The following CEP55 variants were observed in gnomAD, a reference collection of about 807,000 sequenced individuals.
CEP55 encodes the protein centrosomal protein 55.
A neutral mutation model predicts 63.2 loss-of-function variants in CEP55; 57 were observed. The observed-to-expected ratio is 0.90, with a 90% confidence interval of 0.73 to 1.13. The LOEUF (loss-of-function observed/expected upper bound fraction) is 1.13, where lower values mean the gene tolerates loss of function less well. CEP55 is among the 50% of genes most tolerant of loss of function. CEP55 has a pLI of 0.00. For synonymous variants in CEP55, 178 were observed against 191.6 expected (o/e 0.93, Z 0.59); for missense variants, 456 against 518.9 (o/e 0.88, Z 1.18).
At chr10:93,500,521 A>G (rs973329225) in intron 2 of CEP55, among the ~76,000 whole-genome samples, 1 of 152,222 alleles carries the variant, frequency 6.6e-6, no homozygotes, top group Non-Finnish European at 1.5e-5. Context: ...TGCGATTAAT[A>G]GTTTTGCACC....
At chr10:93,523,523 A>G (rs958323222) in intron 8 of CEP55, among the ~76,000 whole-genome samples, 1 of 152,232 alleles carries the variant, frequency 6.6e-6, no homozygotes, top group African/African-American at 2.4e-5. Flanking sequence ...AACATGAGAC[A>G]GATCCACGAG....
intron 8 of CEP55, among the ~76,000 whole-genome samples, chr10:93,521,222 C>T (rs905110244): frequency 2.0e-5 from 3 of 152,148 alleles, no homozygotes; most frequent in Non-Finnish European, 2.9e-5. Flanking sequence ...CTGACGGCAC[C>T]TGGAAAATCA....
At chr10:93,505,034 ACTCCTTAC>A (rs1033034389) in intron 3 of CEP55, among the ~76,000 whole-genome samples, 1 of 150,830 alleles carries the variant, frequency 6.6e-6, no homozygotes, top group African/African-American at 2.4e-5. Flanking sequence ...CTGGTCTTGA[ACTCCTTAC>A]CTCAGGTGAT....
At chr10:93,518,996 G>GCAGTTTTT (rs775460687) in intron 7 of CEP55, 48 bp downstream of exon 7, 1 of 1,464,944 alleles carries the variant, frequency 6.8e-7, no homozygotes. Flanking sequence ...GTTAGAAAAT[G>GCAGTTTTT]CAGTTTTTCC....
At chr10:93,502,942 C>T (rs1037528615) in intron 2 of CEP55, among the ~76,000 whole-genome samples, 171 bp from the exon 3 acceptor site, 1 of 152,228 alleles carries the variant, frequency 6.6e-6, no homozygotes, top group Non-Finnish European at 1.5e-5. Context: ...GCTTACTTCT[C>T]TGTGAGCTAT....
chr10:93,524,830 G>A (rs1361237222), intron 8 of CEP55, among the ~76,000 whole-genome samples: 2 of 152,022 alleles, frequency 1.3e-5, no homozygotes, highest in Admixed American at 6.6e-5. Context: ...CAGAACCAAC[G>A]ACAAAAACCA....
At chr10:93,525,921 T>G (rs1421056621) in intron 8 of CEP55, among the ~76,000 whole-genome samples, 2 of 152,128 alleles carry the variant, frequency 1.3e-5, no homozygotes, top group Admixed American at 1.3e-4. Flanking sequence ...CCTTACACCT[T>G]ATACAAAAAT....
Position 93,517,073 on chromosome 10 carries a change from A to T in CEP55, c.818A>T (p.Gln273Leu). The change falls in exon 6 of 9, where the codon CAA (glutamine) becomes CTA (leucine). Residue 273 changes from glutamine (Q) to leucine (L), a missense_variant. Gln to Leu is a moderately radical substitution (Grantham distance 113). Coordinates refer to ENST00000371485, the MANE Select transcript of CEP55 (RefSeq NM_018131.5). ...TTTCGAAGAAAATATGAAGAAACCC[A>T]AAAAGAAGTTCACAATTTAAATCAG... ...SEFRRKYEET[Q>L]KEVHNLNQLL... 6.2e-7 allele frequency: 1 copy of T among 1,614,104 alleles called. No homozygotes were observed. Among genetic ancestry groups the T allele is most frequent in the Non-Finnish European group, 8.5e-7 (1 of 1,179,958 alleles).
At chr10:93,511,460 G>C (rs1033361963) in intron 4 of CEP55, among the ~76,000 whole-genome samples, 2 of 152,186 alleles carry the variant, frequency 1.3e-5, no homozygotes, top group African/African-American at 4.8e-5. Context: ...GATGCACACA[G>C]TGAGAAGAGG....
intron 4 of CEP55, among the ~76,000 whole-genome samples, chr10:93,509,013 G>A (rs2057715947): frequency 6.6e-6 from 1 of 152,194 alleles, no homozygotes; most frequent in South Asian, 2.1e-4. Flanking sequence ...TTGAAAGAAT[G>A]ACTGGATGGA....
At chr10:93,507,469 ACCTCAG>A (rs2057701125) in intron 4 of CEP55, among the ~76,000 whole-genome samples, 1 of 150,872 alleles carries the variant, frequency 6.6e-6, no homozygotes. Flanking sequence ...TGATCTGCCC[ACCTCAG>A]CCTTTCAAAG....
At position 93,517,263 on chromosome 10, in the gene CEP55, A is replaced by T. The variant is rs2057814767; in HGVS notation, c.993+15A>T. ...TCTTATCTCAGGTAAACTTAACCAGATCCATAATTCAGAGTGTTCACCGAA... is the reference window on the plus strand; with the variant it reads ...TCTTATCTCAGGTAAACTTAACCAGTTCCATAATTCAGAGTGTTCACCGAA... On this transcript the variant is annotated intron_variant, in intron 6 of 8. Transcript: ENST00000371485. The T allele has an allele frequency of 1.3e-6, 2 of 1,567,936 alleles. No homozygotes were observed. The highest frequency in any genetic ancestry group is 4.5e-5 in the East Asian group (2 of 44,390).
At chr10:93,519,547 G>A in intron 7 of CEP55, 135 bp from the exon 8 acceptor site, 2 of 1,041,652 alleles carry the variant, frequency 1.9e-6, no homozygotes, top group South Asian at 1.6e-5. Flanking sequence ...ACATTTCATG[G>A]TGCTTAGGTG....
chr10:93,504,462 G>C (rs975703064), intron 3 of CEP55, among the ~76,000 whole-genome samples: 1 of 139,462 alleles, frequency 7.2e-6, no homozygotes, highest in Non-Finnish European at 1.5e-5. Context: ...GACAGAGTGA[G>C]CCTCTGTCTC....
chr10:93,511,477 A>C (rs2057748304), intron 4 of CEP55, among the ~76,000 whole-genome samples: 1 of 152,214 alleles, frequency 6.6e-6, no homozygotes, highest in Non-Finnish European at 1.5e-5. Context: ...GAGGTGGCAT[A>C]AGGAAATGTT....
Position 93,519,749 on chromosome 10 carries a change from A to C in CEP55, c.1133A>C (p.His378Pro). 1.2e-6 allele frequency: 2 copies of C among 1,613,890 alleles called. No homozygotes were observed. Among genetic ancestry groups the C allele is most frequent in the Non-Finnish European group, 8.5e-7 (1 of 1,179,942 alleles). Residue 378 changes from histidine (H) to proline (P), a missense_variant, in exon 8 of 9, where the codon CAT becomes CCT. Coordinates refer to ENST00000371485, the MANE Select transcript of CEP55 (RefSeq NM_018131.5). The stretch of plus-strand genomic sequence containing the variant: ...CGTCAACATGTGCAGCATCAATTGC[A>C]TGTAATTCTTAAGGAGCTCCGAAAA... The part of the protein sequence containing the change: ...LDRQHVQHQL[H>P]VILKELRKAR...
intron 8 of CEP55, 75 bp downstream of exon 8, chr10:93,519,882 G>A (rs1304701987): frequency 1.6e-5 from 25 of 1,542,768 alleles, no homozygotes; most frequent in African/African-American, 2.7e-5. Flanking sequence ...GAACTTAGGA[G>A]GATACAGCTT....
chr10:93,506,602 C>T (rs1334337922), intron 3 of CEP55, among the ~76,000 whole-genome samples: 1 of 152,164 alleles, frequency 6.6e-6, no homozygotes, highest in East Asian at 1.9e-4. Context: ...GAGTCTCACT[C>T]TATTGCTCAG....
intron 8 of CEP55, among the ~76,000 whole-genome samples, chr10:93,520,673 G>C (rs1000437556): frequency 6.6e-5 from 10 of 151,736 alleles, no homozygotes; most frequent in African/African-American, 2.4e-4. Flanking sequence ...ATATATGTCT[G>C]TCCCACTAGT....
Sources: gnomAD v4.1 joint callset for allele counts (sites outside exome capture counted in the v4.1 genomes callset) on GRCh38, gnomAD v4.1.1 for gene constraint, MANE v1.5 for transcripts, NCBI Gene and HGNC (gene_info 2026-07-23, HGNC 2026-07-21) for gene names.